STX8: variants seen among roughly 807,000 people sequenced by gnomAD.
STX8 encodes syntaxin 8, also known as syntaxin-8.
STX8 carries 23 observed loss-of-function variants against 37.5 expected under a neutral mutation model. The observed-to-expected ratio is 0.61, with a 90% CI of 0.44 to 0.87. STX8 has a LOEUF of 0.87. Ranked by LOEUF, STX8 falls within the 40% of genes least tolerant of loss-of-function variation. The pLI is 0.00. For missense variants in STX8, 313 were observed against 284.7 expected (o/e 1.10, Z -0.71); for synonymous variants, 115 against 99.1 (o/e 1.16, Z -0.95).
At chr17:9,427,047 A>T (rs1913659060) in intron 6 of STX8, among the ~76,000 whole-genome samples, 1 of 152,274 alleles carries the variant, frequency 6.6e-6, no homozygotes, top group East Asian at 1.9e-4. Context: ...CCCAAAGTTC[A>T]CATTTCCTAT....
At chr17:9,486,298 T>C (rs1318646382) in intron 6 of STX8, among the ~76,000 whole-genome samples, 1 of 152,082 alleles carries the variant, frequency 6.6e-6, no homozygotes, top group Non-Finnish European at 1.5e-5. Flanking sequence ...ATTTTATGCT[T>C]CCAGAAAGCA....
At chr17:9,506,313 T>C (rs1472468756) in intron 4 of STX8, among the ~76,000 whole-genome samples, 2 of 150,870 alleles carry the variant, frequency 1.3e-5, no homozygotes, top group East Asian at 1.9e-4. Flanking sequence ...GACTCATCTT[T>C]AGAGCTCTCA....
intron 7 of STX8, among the ~76,000 whole-genome samples, chr17:9,368,273 G>C (rs891360559): frequency 4.6e-5 from 7 of 152,130 alleles, no homozygotes; most frequent in Non-Finnish European, 7.3e-5. Flanking sequence ...GGGAGGCCGA[G>C]GAGGGCCAAT....
chr17:9,441,233 T>G (rs1904636515), intron 6 of STX8, among the ~76,000 whole-genome samples: 1 of 152,116 alleles, frequency 6.6e-6, no homozygotes, highest in African/African-American at 2.4e-5. Context: ...GGCTCACACC[T>G]GTAATCCCAG....
chr17:9,421,887 A>G (rs1307219270), intron 6 of STX8, among the ~76,000 whole-genome samples: 1 of 151,918 alleles, frequency 6.6e-6, no homozygotes, highest in Non-Finnish European at 1.5e-5. Context: ...GTTCCAATCG[A>G]GTTCTCACAA....
intron 1 of STX8, chr17:9,569,865 T>C (rs1172652982): frequency 6.6e-6 from 1 of 152,114 alleles, no homozygotes; most frequent in Non-Finnish European, 1.5e-5. Context: ...GAGAATCGCT[T>C]GAACCCAGGA....
At position 9,443,381 on chromosome 17, in the gene STX8, AAGAT is replaced by A. The variant is rs1250984038; in HGVS notation, c.541+48444_541+48447del. On this transcript the variant is annotated intron_variant, in intron 6 of 7. Transcript: ENST00000306357. The stretch of plus-strand genomic sequence containing the variant: ...CCTACTATATGTAAGGGAGAGCACA[AAGAT>A]AGACCACACACAGTCCGCATCCCCA... Among the ~76,000 whole-genome samples, 9 of 152,356 alleles carry A rather than the reference AAGAT, an allele frequency of 5.9e-5. No homozygotes were observed. In the South Asian group the frequency reaches 8.3e-4, roughly 14 times the overall value.
At position 9,450,404 on chromosome 17, in the gene STX8, C is replaced by A. The variant is rs143972566; in HGVS notation, c.541+41425G>T. Among the ~76,000 whole-genome samples the A allele has an allele frequency of 2.0e-3, 299 of 151,900 alleles. 5 individuals are homozygous for A. The highest frequency in any genetic ancestry group is 0.015 in the East Asian group (79 of 5,168). ...CATGTAAATTTAACTAAATAAACCT[C>A]ACACTAAAAAAGGTAGTAAAAAATA... On this transcript the variant is annotated intron_variant, in intron 6 of 7. Coordinates refer to ENST00000306357, the MANE Select transcript of STX8 (RefSeq NM_004853.3).
At chr17:9,410,835 A>G (rs2142333293) in intron 6 of STX8, among the ~76,000 whole-genome samples, 1 of 152,364 alleles carries the variant, frequency 6.6e-6, no homozygotes, top group East Asian at 1.9e-4. Flanking sequence ...GAAATGTAAC[A>G]TACGAAGAGA....
chr17:9,478,145 T>TA (rs1453657437), intron 6 of STX8, among the ~76,000 whole-genome samples: 1 of 152,206 alleles, frequency 6.6e-6, no homozygotes, highest in African/African-American at 2.4e-5. Flanking sequence ...CAGTTTTTTT[T>TA]ATTTTGTTGA....
chr17:9,465,976 C>CT (rs980974145), intron 6 of STX8, among the ~76,000 whole-genome samples: 325 of 147,108 alleles, frequency 2.2e-3, no homozygotes, highest in Admixed American at 5.5e-3. Context: ...TTTTAGTATT[C>CT]TTTTTTTTTT....
At chr17:9,356,248 T>C (rs531764139) in intron 7 of STX8, among the ~76,000 whole-genome samples, 1 of 152,308 alleles carries the variant, frequency 6.6e-6, no homozygotes, top group South Asian at 2.1e-4. Flanking sequence ...TGTCTGCATT[T>C]TGGGGTTTGC....
intron 6 of STX8, among the ~76,000 whole-genome samples, chr17:9,435,452 T>C (rs753799805): frequency 6.6e-6 from 1 of 152,196 alleles, no homozygotes; most frequent in Non-Finnish European, 1.5e-5. Flanking sequence ...TGTTCACCCA[T>C]ATACGTCAGT....
chr17:9,549,105 C>A (rs1906661831), intron 3 of STX8, among the ~76,000 whole-genome samples: 1 of 152,064 alleles, frequency 6.6e-6, no homozygotes, highest in East Asian at 1.9e-4. Flanking sequence ...AGCTACCAAC[C>A]ATTAACACTT....
intron 7 of STX8, among the ~76,000 whole-genome samples, chr17:9,366,532 C>T (rs528113410): frequency 6.6e-6 from 1 of 152,264 alleles, no homozygotes; most frequent in African/African-American, 2.4e-5. Context: ...ACCCGGCCTG[C>T]GTTACATTTC....
intron 7 of STX8, among the ~76,000 whole-genome samples, chr17:9,358,610 G>A (rs77067573): frequency 0.029 from 4,449 of 152,302 alleles, 118 homozygotes; most frequent in Non-Finnish European, 0.046. Flanking sequence ...ATGGCCCCAT[G>A]TTCGGTGACA....
rs929696907 is a variant in STX8, at chr17:9,512,527, A to C, written c.324-7365T>G. 1.5e-4 allele frequency among the ~76,000 whole-genome samples: 23 copies of C among 152,140 alleles called. 1 individual carries two copies. In the East Asian group the frequency reaches 4.5e-3, roughly 29 times the overall value. Reference sequence around the variant, plus strand: ...AACCCAGCTGGAGTGCAGTGATGCAATCTTGAGTCACTGCAACCTGTGCCT... The same window carrying C: ...AACCCAGCTGGAGTGCAGTGATGCACTCTTGAGTCACTGCAACCTGTGCCT... On this transcript the variant is annotated intron_variant, in intron 4 of 7. Coordinates refer to ENST00000306357, the MANE Select transcript of STX8 (RefSeq NM_004853.3).
chr17:9,508,828 C>A (rs533077830), intron 4 of STX8, among the ~76,000 whole-genome samples: 26 of 152,184 alleles, frequency 1.7e-4, no homozygotes, highest in African/African-American at 5.3e-4. Flanking sequence ...CTGAAAACTT[C>A]CCAAGTCTTG....
intron 4 of STX8, among the ~76,000 whole-genome samples, chr17:9,518,975 T>C (rs1007859447): frequency 6.6e-6 from 1 of 152,082 alleles, no homozygotes; most frequent in African/African-American, 2.4e-5. Context: ...TGGTGGTGAA[T>C]TCTGAACTAG....
Sources: gnomAD v4.1 joint callset for allele counts (sites outside exome capture counted in the v4.1 genomes callset) on GRCh38, gnomAD v4.1.1 for gene constraint, MANE v1.5 for transcripts, NCBI Gene and HGNC (gene_info 2026-07-23, HGNC 2026-07-21) for gene names.